The following TSBP1 variants were observed in gnomAD, a reference collection of about 807,000 sequenced individuals.
The protein encoded by TSBP1 is testis-expressed basic protein 1.
Under a neutral mutation model 68.8 loss-of-function variants are expected in TSBP1, and 56 were observed. That is an observed-to-expected ratio of 0.81 (90% CI 0.66 to 1.02). The LOEUF (loss-of-function observed/expected upper bound fraction) is 1.02. Ranked by LOEUF, TSBP1 falls within the 50% of genes least tolerant of loss-of-function variation. The probability of loss-of-function intolerance (pLI) is 0.00; values close to 1 mark genes in which losing one functional copy is unlikely to be tolerated. For missense variants in TSBP1, 502 were observed against 641.2 expected (o/e 0.78, Z 2.34); for synonymous variants, 171 against 208.7 (o/e 0.82, Z 1.56).
chr6:32,336,491 T>C lies in TSBP1; in HGVS notation c.430+124A>G, dbSNP rs1179738966. The C allele has an allele frequency of 6.2e-6, 5 of 801,720 alleles. No individual in the cohort carries two copies. Among genetic ancestry groups the C allele is most frequent in the African/African-American group, 1.7e-5 (1 of 57,484 alleles). The allele number at this position is 801,720 out of a possible 1,614,324, so 49.7% of individuals were successfully genotyped here. ...ATATACCCATTAGCAAACCTGCATA[T>C]GCACCACCGGAATCTAAAATAAAAG... On this transcript the variant is annotated intron_variant, in intron 12 of 22. Transcript: ENST00000612031. The surrounding 1 kb of genome is among the most constrained non-coding windows in gnomAD (Gnocchi z 5.2).
intron 6 of TSBP1, among the ~76,000 whole-genome samples, chr6:32,363,826 C>T (rs1056650875): frequency 3.3e-5 from 5 of 151,892 alleles, no homozygotes; most frequent in Non-Finnish European, 7.4e-5. Flanking sequence ...TTTACCTTAC[C>T]AGTGAATTTT....
intron 8 of TSBP1, among the ~76,000 whole-genome samples, chr6:32,350,393 C>T (rs528929160): frequency 2.6e-5 from 4 of 152,300 alleles, no homozygotes; most frequent in African/African-American, 9.6e-5. Context: ...ATTTCATCCT[C>T]TCCTTTAAGT....
At chr6:32,371,846 A>T (rs1314027668) in exon 1 of TSBP1, 3 of 856,044 alleles carry the variant, frequency 3.5e-6, no homozygotes, top group African/African-American at 1.7e-5. Flanking sequence ...GTAGGCAGAG[A>T]TGCAGAGGAT....
rs1768132140 is a variant in TSBP1, at chr6:32,325,559, A to G, written c.515-1945T>C. The G allele has an allele frequency of 1.2e-6, 1 of 859,570 alleles. No individual in the cohort carries two copies. The highest frequency in any genetic ancestry group is 1.7e-5 in the Admixed American group (1 of 58,910). The allele number at this position is 859,570 out of a possible 1,614,324, so 53.2% of individuals were successfully genotyped here. ...AGATATATGCTGGTGGCATTAAAGA[A>G]GACACTGAAGAAATCACCTAAGAAA... On this transcript the variant is annotated intron_variant, in intron 16 of 22. Transcript: ENST00000612031. This position sits in a 1 kb window ranked among gnomAD's most constrained non-coding sequence, Gnocchi z 4.4.
intron 10 of TSBP1, chr6:32,339,313 T>C: frequency 1.9e-6 from 1 of 536,556 alleles, no homozygotes; most frequent in Non-Finnish European, 3.3e-6. Context: ...ATTTCCACTT[T>C]GTTAAATGAA....
At chr6:32,345,149 T>G (rs964100887) in intron 9 of TSBP1, among the ~76,000 whole-genome samples, 1 of 151,354 alleles carries the variant, frequency 6.6e-6, no homozygotes, top group Non-Finnish European at 1.5e-5. Flanking sequence ...GCCACCATGC[T>G]TGGCCCTTAG....
At position 32,333,157 on chromosome 6, in the gene TSBP1, C is replaced by T. The variant is rs185789739; in HGVS notation, c.473-1103G>A. Among the ~76,000 whole-genome samples the T allele has an allele frequency of 5.9e-5, 9 of 151,980 alleles. No individual in the cohort carries two copies. Among genetic ancestry groups the T allele is most frequent in the Admixed American group, 2.6e-4 (4 of 15,268 alleles). On this transcript the variant is annotated intron_variant, in intron 14 of 22. Transcript: ENST00000612031. This position sits in a 1 kb window ranked among gnomAD's most constrained non-coding sequence, Gnocchi z 4.2. ...CTGAGTAGCTGGGACTGCAGGCGCA[C>T]GACACCACACCCAGCTAATTTTTGT...
At position 32,365,375 on chromosome 6, in the gene TSBP1, T is replaced by C. The variant is rs1157268333; in HGVS notation, c.217+792A>G. On this transcript the variant is annotated intron_variant, in intron 6 of 22. Transcript: ENST00000612031. This position sits in a 1 kb window ranked among gnomAD's most constrained non-coding sequence, Gnocchi z 4.3. ...CCTTTTGTTGTCCATGGTGGCTCATTTGGGGACTCAGCCTAGATGGGAGAG... is the reference window on the plus strand; with the variant it reads ...CCTTTTGTTGTCCATGGTGGCTCATCTGGGGACTCAGCCTAGATGGGAGAG... The C allele has an allele frequency of 1.3e-5, 6 of 457,246 alleles. No individual in the cohort carries two copies. In the East Asian group the frequency reaches 4.2e-4, roughly 32 times the overall value. The allele number at this position is 457,246 out of a possible 1,614,324, so 28.3% of individuals were successfully genotyped here.
chr6:32,315,705 A>G lies in TSBP1; in HGVS notation c.580+67T>C. 9.8e-7 allele frequency: 1 copy of G among 1,022,126 alleles called. No homozygotes were observed. Among genetic ancestry groups the G allele is most frequent in the Non-Finnish European group, 1.4e-6 (1 of 715,278 alleles). 63.3% of individuals were successfully genotyped at this position (1,022,126 alleles called of 1,614,324 possible). A position where few individuals can be genotyped will look rare whatever the true frequency, so the allele number is the denominator to read the frequency against. ...AGAAATATGAGTCTCAATCTTTTGG[A>G]TACTTAGAAGTGGAAACATCTAACA... is the stretch of plus-strand genomic sequence containing the variant. On this transcript the variant is annotated intron_variant, in intron 19 of 22. Transcript: ENST00000612031. This position sits in a 1 kb window ranked among gnomAD's most constrained non-coding sequence, Gnocchi z 5.4.
chr6:32,293,504 A>T (rs778347240), exon 23 of TSBP1: 1 of 1,610,664 alleles, frequency 6.2e-7, no homozygotes, highest in Non-Finnish European at 8.5e-7. Flanking sequence ...TCCCTTTGAG[A>T]CACCAGACTG....
Position 32,365,619 on chromosome 6 carries a change from TG to T in TSBP1, c.217+547del, listed in dbSNP as rs549518997. 12 of 456,386 alleles carry T rather than the reference TG, an allele frequency of 2.6e-5. No individual in the cohort carries two copies. Among genetic ancestry groups the T allele is most frequent in the South Asian group, 1.9e-4 (12 of 64,532 alleles). The allele number at this position is 456,386 out of a possible 1,614,324, so 28.3% of individuals were successfully genotyped here. A position where few individuals can be genotyped will look rare whatever the true frequency, so the allele number is the denominator to read the frequency against. ...CTTATCGGACAGCATCCTGAATGGCTGGGGGATGTGGGCACTCATTAAGTTC... is the reference window on the plus strand; with the variant it reads ...CTTATCGGACAGCATCCTGAATGGCTGGGGATGTGGGCACTCATTAAGTTC... On this transcript the variant is annotated intron_variant, in intron 6 of 22. Transcript: ENST00000612031. This position sits in a 1 kb window ranked among gnomAD's most constrained non-coding sequence, Gnocchi z 4.3.
intron 1 of TSBP1, 105 bp downstream of exon 1, chr6:32,371,589 C>A: frequency 2.4e-6 from 2 of 831,878 alleles, no homozygotes; most frequent in East Asian, 2.4e-5. Flanking sequence ...GAAAAGGAAG[C>A]AGGCAAGGAA....
chr6:32,318,502 C>A (rs748448610), intron 18 of TSBP1, among the ~76,000 whole-genome samples: 1 of 151,970 alleles, frequency 6.6e-6, no homozygotes, highest in Non-Finnish European at 1.5e-5. Flanking sequence ...TATTTCCTTA[C>A]AAGTAAATAA....
chr6:32,311,708 G>A (rs1358564087), intron 19 of TSBP1, among the ~76,000 whole-genome samples: 1 of 152,184 alleles, frequency 6.6e-6, no homozygotes, highest in African/African-American at 2.4e-5. Flanking sequence ...TGGTGTTGTA[G>A]GGGAGGAAGA....
chr6:32,355,533 A>T (rs1772203028), intron 7 of TSBP1, 116 bp downstream of exon 7: 1 of 1,305,514 alleles, frequency 7.7e-7, no homozygotes, highest in Non-Finnish European at 1.1e-6. Context: ...TCTATTGCTT[A>T]GTATTCATAT....
At chr6:32,359,529 G>A (rs1290529086) in intron 6 of TSBP1, among the ~76,000 whole-genome samples, 1 of 152,044 alleles carries the variant, frequency 6.6e-6, no homozygotes, top group Non-Finnish European at 1.5e-5. Context: ...TGAGTTCTTT[G>A]TAGATTCTGG....
chr6:32,358,053 G>C (rs757592400), intron 6 of TSBP1, among the ~76,000 whole-genome samples: 1 of 152,116 alleles, frequency 6.6e-6, no homozygotes, highest in Non-Finnish European at 1.5e-5. Context: ...TTTTTGGGTA[G>C]CTCACCTTTG....
rs1218699163 is a variant in TSBP1, at chr6:32,365,497, T to C, written c.217+670A>G. The C allele has an allele frequency of 1.1e-5, 5 of 456,408 alleles. No homozygotes were observed. Among genetic ancestry groups the C allele is most frequent in the Non-Finnish European group, 1.3e-5 (3 of 226,934 alleles). The allele number at this position is 456,408 out of a possible 1,614,324, so 28.3% of individuals were successfully genotyped here. ...CTTTCTGATGAGGCTTTCTGATGAG[T>C]GGGTTCTGCAGTCTCTTTTCCCTGC... On this transcript the variant is annotated intron_variant, in intron 6 of 22. Transcript: ENST00000612031. This position sits in a 1 kb window ranked among gnomAD's most constrained non-coding sequence, Gnocchi z 4.3.
chr6:32,318,171 C>T (rs928790276), intron 18 of TSBP1, among the ~76,000 whole-genome samples: 1 of 152,110 alleles, frequency 6.6e-6, no homozygotes, highest in Non-Finnish European at 1.5e-5. Context: ...AGCTGGAGGG[C>T]GTTATCCTTA....
Sources: gnomAD v4.1 joint callset for allele counts (sites outside exome capture counted in the v4.1 genomes callset) on GRCh38, gnomAD v4.1.1 for gene constraint, Gnocchi (gnomAD v3.1) non-coding constraint, MANE v1.5 for transcripts, NCBI Gene and HGNC (gene_info 2026-07-23, HGNC 2026-07-21) for gene names.